The following FBXL18 variants were observed in gnomAD, a reference collection of about 807,000 sequenced individuals.
FBXL18 encodes F-box/LRR-repeat protein 18.
FBXL18 carries 36 observed loss-of-function variants against 46.0 expected under a neutral mutation model. The observed-to-expected ratio is 0.78, with a 90% CI of 0.60 to 1.03. The LOEUF is 1.03. FBXL18 is among the 50% of genes least tolerant of loss of function. The pLI is 0.00. For missense variants in FBXL18, 977 were observed against 1,004.1 expected (o/e 0.97, Z 0.36); for synonymous variants, 557 against 465.3 (o/e 1.20, Z -2.54).
intron 3 of FBXL18, among the ~76,000 whole-genome samples, chr7:5,494,664 T>C (rs1320642100): frequency 6.6e-6 from 1 of 152,128 alleles, no homozygotes; most frequent in Non-Finnish European, 1.5e-5. Context: ...AAAAAGACGG[T>C]GCAGGCGCCG....
In FBXL18 at chr7:5,455,822, C is replaced by T. The variant is rs2128230396; in HGVS notation, c.2001-7979G>A. Among the ~76,000 whole-genome samples, 1 of 151,588 alleles carries T rather than the reference C, an allele frequency of 6.6e-6. No homozygotes were observed. Among genetic ancestry groups the T allele is most frequent in the South Asian group, 2.1e-4 (1 of 4,800 alleles). On this transcript the variant is annotated intron_variant and NMD_transcript_variant, in intron 4 of 6. Coordinates refer to the FBXL18 transcript ENST00000415009. This position sits in a 1 kb window ranked among gnomAD's most constrained non-coding sequence, Gnocchi z 4.6. ...GGCGCCAGGAGAGAGTTTGGTCCTT[C>T]AGCAAGATCACACTCTTCTCCATAT...
chr7:5,465,594 A>G (rs572238538), intron 4 of FBXL18, among the ~76,000 whole-genome samples: 1 of 151,742 alleles, frequency 6.6e-6, no homozygotes, highest in East Asian at 2.0e-4. Flanking sequence ...CCCACCTCAC[A>G]CCACTGCACT....
chr7:5,492,010 C>A (rs1038191970), intron 3 of FBXL18, among the ~76,000 whole-genome samples: 1 of 151,156 alleles, frequency 6.6e-6, no homozygotes, highest in Non-Finnish European at 1.5e-5. Flanking sequence ...ACTTCAGCCA[C>A]GACAGATGGG....
chr7:5,461,910 C>T (rs1206645998), intron 4 of FBXL18, among the ~76,000 whole-genome samples: 1 of 152,040 alleles, frequency 6.6e-6, no homozygotes, highest in African/African-American at 2.4e-5. Flanking sequence ...CACTGCACTC[C>T]AGCCTGGGAG....
At chr7:5,472,105 G>C (rs922507779), downstream of FBXL18, among the ~76,000 whole-genome samples, 8 of 152,132 alleles carry the variant, frequency 5.3e-5, no homozygotes, top group Non-Finnish European at 1.2e-4. Context: ...AAATGAAGCA[G>C]GAGCATCAGC....
At chr7:5,469,926 C>T (rs950772406) in intron 4 of FBXL18, among the ~76,000 whole-genome samples, 2 of 151,720 alleles carry the variant, frequency 1.3e-5, no homozygotes, top group African/African-American at 2.4e-5. Context: ...TGTGTGAATG[C>T]GGAGTGTGCG....
At position 5,500,743 on chromosome 7, in the gene FBXL18, G is replaced by A. The variant is rs750433298; in HGVS notation, c.1526C>T (p.Ser509Leu). 2.5e-6 allele frequency: 4 copies of A among 1,612,562 alleles called. 1 individual carries two copies. Among genetic ancestry groups the A allele is most frequent in the South Asian group, 2.2e-5 (2 of 91,046 alleles). ...CTGTGCGCGGCTGCAGGGTGGGAGC[G>A]AGTTGCGGATGGCGGGCTCGTTGCG... ...MPRNEPAIRNSLPPCSRAQSV... is the reference protein window; with the variant it reads ...MPRNEPAIRNLLPPCSRAQSV... The change falls in exon 3 of 5, where the codon TCG (serine) becomes TTG (leucine). Residue 509 changes from serine (S) to leucine (L), a missense_variant. Ser to Leu is a moderately radical substitution (Grantham distance 145, BLOSUM62 -2). Coordinates refer to ENST00000382368, the MANE Select transcript of FBXL18 (RefSeq NM_024963.6).
chr7:5,472,815 G>T (rs1044305578), downstream of FBXL18, among the ~76,000 whole-genome samples: 4 of 152,172 alleles, frequency 2.6e-5, no homozygotes, highest in African/African-American at 9.7e-5. Flanking sequence ...TGGAGAAGCC[G>T]TGAGCACCCC....
chr7:5,513,552 G>A, intron 1 of FBXL18, 105 bp downstream of exon 1: 3 of 1,292,726 alleles, frequency 2.3e-6, no homozygotes, highest in South Asian at 2.5e-5. Flanking sequence ...GCGGGGTAGG[G>A]GTCGGGATAG....
intron 4 of FBXL18, among the ~76,000 whole-genome samples, chr7:5,488,274 G>C (rs570973028): frequency 1.3e-5 from 2 of 152,236 alleles, no homozygotes; most frequent in Admixed American, 1.3e-4. Flanking sequence ...GAGGAGAGCA[G>C]CTCAGAGCAG....
intron 4 of FBXL18, among the ~76,000 whole-genome samples, chr7:5,458,610 A>G (rs1783203585): frequency 6.6e-6 from 1 of 152,090 alleles, no homozygotes; most frequent in Non-Finnish European, 1.5e-5. Flanking sequence ...AGGCAGGAGT[A>G]TCGCTTAACT....
chr7:5,501,968 TG>T lies in FBXL18; in HGVS notation c.300del (p.Ser100ArgfsTer23), dbSNP rs1562703175. On this transcript the variant is annotated frameshift_variant, in exon 3 of 5. Transcript: ENST00000382368. LOFTEE classifies it high-confidence loss of function. ...CCAGGCAGCCAGTAGCAGCCAGCCA[TG>T]CTCAGCTGCTGGATCTCCCGGCCGA... ...KEIGREIQQL[S>X]MAGCYWLPGS... The T allele has an allele frequency of 6.2e-7, 1 of 1,608,144 alleles. No individual in the cohort carries two copies. The highest frequency in any genetic ancestry group is 8.5e-7 in the Non-Finnish European group (1 of 1,178,014).
intron 3 of FBXL18, among the ~76,000 whole-genome samples, chr7:5,495,390 G>A (rs1396013166): frequency 1.3e-5 from 2 of 152,224 alleles, no homozygotes; most frequent in African/African-American, 2.4e-5. Flanking sequence ...ACAGCAGCCC[G>A]GGTGACTCAG....
At chr7:5,473,531 G>A (rs549941703), downstream of FBXL18, among the ~76,000 whole-genome samples, 194 of 152,258 alleles carry the variant, frequency 1.3e-3, 2 homozygotes, top group African/African-American at 4.0e-3. Flanking sequence ...GGAGGCCAAG[G>A]TGGGTGGATC....
At chr7:5,498,446 C>T (rs981348694) in intron 3 of FBXL18, among the ~76,000 whole-genome samples, 1 of 152,238 alleles carries the variant, frequency 6.6e-6, no homozygotes, top group East Asian at 1.9e-4. Flanking sequence ...GGGGGCTTCA[C>T]ACGCTCAGTC....
intron 4 of FBXL18, among the ~76,000 whole-genome samples, chr7:5,468,185 G>GT (rs1562674629): frequency 6.6e-6 from 1 of 152,132 alleles, no homozygotes; most frequent in East Asian, 1.9e-4. Context: ...GGGTTTCACC[G>GT]TGTTAGCCAG....
At chr7:5,512,286 G>T (rs1784559105) in intron 1 of FBXL18, among the ~76,000 whole-genome samples, 1 of 120,164 alleles carries the variant, frequency 8.3e-6, no homozygotes, top group Non-Finnish European at 1.7e-5. Context: ...TGAACCATGT[G>T]AAGTGTTATT....
downstream of FBXL18, among the ~76,000 whole-genome samples, chr7:5,471,133 T>C (rs960733109): frequency 2.6e-5 from 4 of 152,268 alleles, no homozygotes; most frequent in Middle Eastern, 3.4e-3. Flanking sequence ...GAAGCTAGGA[T>C]TCCGTCACGC....
intron 4 of FBXL18, among the ~76,000 whole-genome samples, chr7:5,484,900 A>T (rs1783735729): frequency 6.6e-6 from 1 of 151,998 alleles, no homozygotes; most frequent in Admixed American, 6.6e-5. Context: ...CAGCCTCCCA[A>T]AGTGCTGGGA....
Sources: allele counts gnomAD v4.1 joint callset (sites outside exome capture counted in the v4.1 genomes callset), GRCh38; gene constraint gnomAD v4.1.1; non-coding constraint Gnocchi (gnomAD v3.1); transcripts MANE v1.5; gene names NCBI Gene and HGNC (gene_info 2026-07-23, HGNC 2026-07-21).